Variants in MICAL2 observed in about 807,000 individuals in gnomAD.
The protein encoded by MICAL2 is microtubule associated monooxygenase, calponin and LIM domain containing 2.
A neutral mutation model predicts 127.3 loss-of-function variants in MICAL2; 77 were observed. The ratio of observed to expected loss-of-function variants is 0.60; its 90% CI spans 0.50 to 0.73. MICAL2 has a LOEUF of 0.73. MICAL2 is among the 30% of genes least tolerant of loss of function. The probability of loss-of-function intolerance (pLI) is 0.00; values close to 1 mark genes in which losing one functional copy is unlikely to be tolerated. For synonymous variants in MICAL2, 570 were observed against 551.1 expected (o/e 1.03, Z -0.48); for missense variants, 1,351 against 1,434.4 (o/e 0.94, Z 0.94).
chr11:12,256,253 T>C (rs1862311025), intron 23 of MICAL2: 1 of 161,144 alleles, frequency 6.2e-6, no homozygotes, highest in Admixed American at 5.9e-5. Context: ...GGGGTACTGC[T>C]GCCCTGGCCC....
In MICAL2 at chr11:12,209,478, C is replaced by A; in HGVS notation, c.590-19C>A. 6.3e-7 allele frequency: 1 copy of A among 1,588,394 alleles called. No homozygotes were observed. The highest frequency in any genetic ancestry group is 8.6e-7 in the Non-Finnish European group (1 of 1,156,600). ...CCCACCTCTCTCTGCCAACTCATCT[C>A]ATTTCTCTGTCCTGGTAGAAATTGG... On this transcript the variant is annotated intron_variant, in intron 5 of 27. Transcript: ENST00000683283.
At chr11:12,240,771 G>A (rs948493827) in intron 17 of MICAL2, among the ~76,000 whole-genome samples, 3 of 152,224 alleles carry the variant, frequency 2.0e-5, no homozygotes, top group African/African-American at 7.2e-5. Context: ...AAGGCCCTGT[G>A]TCTGAGCCAA....
chr11:12,340,188 C>T (rs995217274), intron 32 of MICAL2, among the ~76,000 whole-genome samples: 10 of 152,146 alleles, frequency 6.6e-5, no homozygotes, highest in African/African-American at 2.2e-4. Context: ...AGAATATTCC[C>T]ACTGTTACAA....
At chr11:12,346,607 G>T (rs763592859) in intron 32 of MICAL2, among the ~76,000 whole-genome samples, 4 of 152,142 alleles carry the variant, frequency 2.6e-5, no homozygotes, top group Non-Finnish European at 5.9e-5. Context: ...GAGTGCACCT[G>T]CTGTCTCCTC....
chr11:12,190,974 G>A (rs1158384014), intron 3 of MICAL2, among the ~76,000 whole-genome samples: 1 of 152,162 alleles, frequency 6.6e-6, no homozygotes, highest in Non-Finnish European at 1.5e-5. Flanking sequence ...TAGCCTCAGT[G>A]TGCATCCTGA....
At chr11:12,337,446 T>C (rs1257137341) in intron 32 of MICAL2, among the ~76,000 whole-genome samples, 1 of 152,218 alleles carries the variant, frequency 6.6e-6, no homozygotes, top group Non-Finnish European at 1.5e-5. Flanking sequence ...TTTGTGTCTC[T>C]ATTTCCTTCA....
chr11:12,292,429 A>T (rs1863917559), downstream of MICAL2: 5 of 989,804 alleles, frequency 5.1e-6, no homozygotes, highest in Admixed American at 4.3e-5. Context: ...GCCAGAAGAT[A>T]CTCTGTCAAG....
chr11:12,144,929 T>G (rs775413795), intron 2 of MICAL2, among the ~76,000 whole-genome samples: 1 of 152,222 alleles, frequency 6.6e-6, no homozygotes, highest in Non-Finnish European at 1.5e-5. Flanking sequence ...CTCTGTATAG[T>G]AAAGGACTGG....
chr11:12,235,631 G>T (rs1270842267), intron 15 of MICAL2, among the ~76,000 whole-genome samples: 3 of 152,210 alleles, frequency 2.0e-5, no homozygotes, highest in Admixed American at 6.5e-5. Flanking sequence ...TTGCAGACTT[G>T]ATTTGCCATC....
At chr11:12,138,100 G>A (rs16910614) in intron 1 of MICAL2, among the ~76,000 whole-genome samples, 4,317 of 152,256 alleles carry the variant, frequency 0.028, 162 homozygotes, top group African/African-American at 0.088. Flanking sequence ...ATTGTTTTCC[G>A]GATCCCTCCT....
rs539832264 is a variant in MICAL2 at position 12,179,071 on chromosome 11, C to T, written c.264+16652C>T. Among the ~76,000 whole-genome samples, 6 of 152,298 alleles carry T rather than the reference C, an allele frequency of 3.9e-5. No individual in the cohort carries two copies. The East Asian group carries it at 5.8e-4, about 15-fold the overall frequency. On this transcript the variant is annotated intron_variant, in intron 3 of 27. Coordinates refer to ENST00000683283, the MANE Select transcript of MICAL2 (RefSeq NM_001282663.2). Reference sequence around the variant, plus strand: ...TACTGGCCCCTGCAGACTCACTCTTCCCAAGCACGGCTCAGATTGTGACTG... The same window carrying T: ...TACTGGCCCCTGCAGACTCACTCTTTCCAAGCACGGCTCAGATTGTGACTG...
chr11:12,162,052 G>C, intron 2 of MICAL2, 27 bp from the exon 3 acceptor site: 1 of 1,525,626 alleles, frequency 6.6e-7, no homozygotes, highest in Non-Finnish European at 8.9e-7. Context: ...GTCCAAAGCT[G>C]ACCTCTGCCT....
Position 12,242,535 on chromosome 11 carries a change from CCCT to C in MICAL2, c.2556+104_2556+106del. On this transcript the variant is annotated intron_variant, in intron 19 of 27. Coordinates refer to ENST00000683283, the MANE Select transcript of MICAL2 (RefSeq NM_001282663.2). ...TGGGTTCCTCCTCCCTCTGCCCACC[CCCT>C]GTCTCTCATCCTGCTGTGTGTGGTG... 5 of 1,434,690 alleles carry C rather than the reference CCCT, an allele frequency of 3.5e-6. No homozygotes were observed. The South Asian group carries it at 4.8e-5, about 14-fold the overall frequency. The allele number at this position is 1,434,690 out of a possible 1,614,324, so 88.9% of individuals were successfully genotyped here. A position where few individuals can be genotyped will look rare whatever the true frequency, so the allele number is the denominator to read the frequency against.
intron 16 of MICAL2, 24 bp from the exon 17 acceptor site, chr11:12,239,412 A>G (rs778599589): frequency 6.2e-7 from 1 of 1,613,518 alleles, no homozygotes; most frequent in South Asian, 1.1e-5. Context: ...TCCAACCATC[A>G]GTGTCCCGTT....
downstream of MICAL2, among the ~76,000 whole-genome samples, chr11:12,361,897 C>T (rs1261004623): frequency 1.3e-5 from 2 of 152,300 alleles, no homozygotes; most frequent in East Asian, 3.9e-4. Flanking sequence ...CAGAGAGGGG[C>T]AGTCATTGGA....
intron 3 of MICAL2, among the ~76,000 whole-genome samples, chr11:12,192,368 G>A (rs1278172501): frequency 1.3e-5 from 2 of 152,170 alleles, no homozygotes; most frequent in Admixed American, 6.5e-5. Flanking sequence ...TCTGTCAAGC[G>A]ATGCAAACTG....
intron 32 of MICAL2, among the ~76,000 whole-genome samples, chr11:12,343,091 C>T (rs1484088831): frequency 9.2e-5 from 14 of 152,208 alleles, no homozygotes; most frequent in African/African-American, 3.1e-4. Flanking sequence ...CCCCAAAGTG[C>T]TTTTGACTAC....
intron 3 of MICAL2, among the ~76,000 whole-genome samples, chr11:12,188,240 T>C (rs906219714): frequency 1.3e-5 from 2 of 152,372 alleles, no homozygotes; most frequent in Non-Finnish European, 2.9e-5. Flanking sequence ...TGATAATATT[T>C]TGCATATAAT....
chr11:12,227,059 C>A lies in MICAL2; in HGVS notation c.1923C>A (p.Asp641Glu). ...GCAAAAACTATGGAGAAAATGCTGA[C>A]CTCAGCTTGGCCAAATCATCCATTT... ...SWRKNYGENADLSLAKSSISN... is the reference protein window; with the variant it reads ...SWRKNYGENAELSLAKSSISN... Residue 641 changes from aspartate (D) to glutamate (E), a missense_variant, in exon 15 of 28, where the codon GAC becomes GAA. Transcript: ENST00000683283. The A allele has an allele frequency of 1.9e-6, 3 of 1,614,134 alleles. No homozygotes were observed. Among genetic ancestry groups the A allele is most frequent in the Non-Finnish European group, 2.5e-6 (3 of 1,179,992 alleles).
Sources: allele counts gnomAD v4.1 joint callset (sites outside exome capture counted in the v4.1 genomes callset), GRCh38; gene constraint gnomAD v4.1.1; transcripts MANE v1.5; gene names NCBI Gene and HGNC (gene_info 2026-07-23, HGNC 2026-07-21).